The following PIP5K1A variants were observed in gnomAD, a reference collection of about 807,000 sequenced individuals.
PIP5K1A encodes phosphatidylinositol-4-phosphate 5-kinase type 1 alpha, also known as phosphatidylinositol 4-phosphate 5-kinase type-1 alpha.
PIP5K1A carries 46 observed loss-of-function variants against 72.9 expected under a neutral mutation model. The observed-to-expected ratio is 0.63, with a 90% CI of 0.50 to 0.81. The LOEUF is 0.81. Ranked by LOEUF, PIP5K1A falls within the 30% of genes least tolerant of loss-of-function variation. The pLI, the probability that PIP5K1A is intolerant of heterozygous loss-of-function variation, is 0.00. For synonymous variants in PIP5K1A, 228 were observed against 255.1 expected (o/e 0.89, Z 1.01); for missense variants, 458 against 706.1 (o/e 0.65, Z 3.98).
At chr1:151,196,858 G>GC (rs1352648835), upstream of PIP5K1A, among the ~76,000 whole-genome samples, 2 of 113,892 alleles carry the variant, frequency 1.8e-5, no homozygotes, top group Non-Finnish European at 3.6e-5. Context: ...ACTGCGCCCG[G>GC]CCTTTTTTTT....
intron 1 of PIP5K1A, 36 bp from the exon 2 acceptor site, chr1:151,224,209 G>T: frequency 6.3e-7 from 1 of 1,577,734 alleles, no homozygotes; most frequent in African/African-American, 1.3e-5. Flanking sequence ...GTGAGTGTGT[G>T]ATACACTCTT....
chr1:151,239,068 A>G (rs182233000), intron 10 of PIP5K1A, 62 bp from the exon 11 acceptor site: 2 of 1,219,440 alleles, frequency 1.6e-6, no homozygotes, highest in African/African-American at 3.0e-5. Flanking sequence ...CCTAAAATAT[A>G]AAGTTATTAA....
chr1:151,206,094 T>A (rs1334320458), intron 1 of PIP5K1A, among the ~76,000 whole-genome samples: 2 of 152,182 alleles, frequency 1.3e-5, no homozygotes, highest in African/African-American at 4.8e-5. Context: ...TTATCCTGTT[T>A]TGTTCATATC....
At chr1:151,205,461 C>T (rs1484517506) in intron 1 of PIP5K1A, among the ~76,000 whole-genome samples, 1 of 151,800 alleles carries the variant, frequency 6.6e-6, no homozygotes, top group Admixed American at 6.6e-5. Context: ...CAGGCGTGAG[C>T]TACTGCCCGG....
At position 151,211,909 on chromosome 1, in the gene PIP5K1A, C is replaced by G. The variant is rs587698860; in HGVS notation, c.86-12336C>G. On this transcript the variant is annotated intron_variant, in intron 1 of 15. Transcript: ENST00000368888. ...ACGAGGTCAGGAGATCGAGACCATC[C>G]TGGCTAACGTGGTGAAACCCCGTCT... Among the ~76,000 whole-genome samples, 397 of 151,878 alleles carry G rather than the reference C, an allele frequency of 2.6e-3. 2 individuals carry two copies. The highest frequency in any genetic ancestry group is 5.0e-3 in the Non-Finnish European group (342 of 67,942).
intron 14 of PIP5K1A, 79 bp from the exon 15 acceptor site, chr1:151,246,841 A>G: frequency 9.9e-7 from 1 of 1,007,768 alleles, no homozygotes; most frequent in Non-Finnish European, 1.5e-6. Context: ...GAGAAGCAGT[A>G]TGAGATTTAA....
Position 151,239,970 on chromosome 1 carries a change from C to T in PIP5K1A, c.1294C>T (p.His432Tyr). 1 of 1,612,418 alleles carries T rather than the reference C, an allele frequency of 6.2e-7. No individual in the cohort carries two copies. Among genetic ancestry groups the T allele is most frequent in the Non-Finnish European group, 8.5e-7 (1 of 1,178,692 alleles). ...LVHDGDTVSV[H>Y]RPGFYAERFQ... is the part of the protein sequence containing the mutation. ...TGCTCTGCAGGACACTGTCTCAGTG[C>T]ATCGCCCAGGCTTCTACGCTGAACG... is the stretch of plus-strand genomic sequence containing the variant. The change falls in exon 12 of 16, where the codon CAT (histidine) becomes TAT (tyrosine). Residue 432 changes from histidine to tyrosine, a missense_variant. By Grantham distance (83) the His-to-Tyr change is moderately conservative. Coordinates refer to ENST00000368888, the MANE Select transcript of PIP5K1A (RefSeq NM_001135638.2).
Position 151,232,428 on chromosome 1 carries a change from C to T in PIP5K1A, c.486+63C>T. On this transcript the variant is annotated intron_variant, in intron 6 of 15. Coordinates refer to ENST00000368888, the MANE Select transcript of PIP5K1A (RefSeq NM_001135638.2). Reference sequence around the variant, plus strand: ...TCAGAGGGATATTCCCAAAGGAAGGCCCCTTTTCTCCACAGTCTCGCTCTG... The same window carrying T: ...TCAGAGGGATATTCCCAAAGGAAGGTCCCTTTTCTCCACAGTCTCGCTCTG... The T allele has an allele frequency of 3.4e-6, 5 of 1,470,944 alleles. No homozygotes were observed. In the South Asian group the frequency reaches 4.5e-5, roughly 13 times the overall value. The allele number at this position is 1,470,944 out of a possible 1,614,324, so 91.1% of individuals were successfully genotyped here. A position where few individuals can be genotyped will look rare whatever the true frequency, so the allele number is the denominator to read the frequency against.
At chr1:151,232,138 T>C (rs1558281521) in intron 5 of PIP5K1A, 110 bp from the exon 6 acceptor site, 1 of 754,846 alleles carries the variant, frequency 1.3e-6, no homozygotes, top group South Asian at 1.5e-5. Flanking sequence ...TTAGGAGGAA[T>C]GTATTCCCCC....
In PIP5K1A at chr1:151,232,837, A is replaced by G. The variant is rs1690288143; in HGVS notation, c.639+134A>G. On this transcript the variant is annotated intron_variant, in intron 7 of 15. Coordinates refer to ENST00000368888, the MANE Select transcript of PIP5K1A (RefSeq NM_001135638.2). Reference sequence around the variant, plus strand: ...TAGTTCAGGCCAGGCACGGTGGCTCATGCCTGTAATCCCAGGACTTTGGGA... The same window carrying G: ...TAGTTCAGGCCAGGCACGGTGGCTCGTGCCTGTAATCCCAGGACTTTGGGA... The G allele has an allele frequency of 8.7e-6, 6 of 687,284 alleles. No individual in the cohort carries two copies. In the South Asian group the frequency reaches 9.5e-5, roughly 11 times the overall value. The allele number at this position is 687,284 out of a possible 1,614,324, so 42.6% of individuals were successfully genotyped here. A position where few individuals can be genotyped will look rare whatever the true frequency, so the allele number is the denominator to read the frequency against.
chr1:151,213,584 T>C (rs1483753942), intron 1 of PIP5K1A: 2 of 152,178 alleles, frequency 1.3e-5, no homozygotes, highest in Admixed American at 6.6e-5. Flanking sequence ...GAAAGTAATA[T>C]GTAGTTGAGA....
At chr1:151,221,310 G>C (rs2102373182) in intron 1 of PIP5K1A, among the ~76,000 whole-genome samples, 1 of 152,250 alleles carries the variant, frequency 6.6e-6, no homozygotes, top group South Asian at 2.1e-4. Flanking sequence ...CTGAGTGATG[G>C]AGAAAAAAGC....
At position 151,242,273 on chromosome 1, in the gene PIP5K1A, A is replaced by T. The variant is rs1286739529; in HGVS notation, c.1510+4A>T. 1.9e-6 allele frequency: 3 copies of T among 1,614,076 alleles called. No individual in the cohort carries two copies. The African/African-American group carries it at 4.0e-5, about 22-fold the overall frequency. ...ACAAAGGCAGAAGTGGAGCCAGGTC[A>T]GCGCTAGGGCTGGGGTCCCCATGTG... On this transcript the variant is annotated splice_donor_region_variant and intron_variant, in intron 13 of 15. Transcript: ENST00000368888.
At chr1:151,222,989 G>C (rs1688599240) in intron 1 of PIP5K1A, among the ~76,000 whole-genome samples, 1 of 152,126 alleles carries the variant, frequency 6.6e-6, no homozygotes, top group African/African-American at 2.4e-5. Flanking sequence ...GCCAAGGCAG[G>C]TGGATCACGA....
At chr1:151,232,136 A>G in intron 5 of PIP5K1A, 112 bp from the exon 6 acceptor site, 1 of 748,476 alleles carries the variant, frequency 1.3e-6, no homozygotes, top group South Asian at 1.5e-5. Flanking sequence ...TCTTAGGAGG[A>G]ATGTATTCCC....
intron 1 of PIP5K1A, chr1:151,216,119 C>A (rs901873789): frequency 2.0e-6 from 1 of 489,232 alleles, no homozygotes; most frequent in Non-Finnish European, 4.0e-6. Context: ...GAGGCCGAGG[C>A]GGGCGGATCA....
intron 1 of PIP5K1A, among the ~76,000 whole-genome samples, chr1:151,212,798 C>A (rs1429804232): frequency 1.3e-5 from 2 of 150,222 alleles, no homozygotes; most frequent in African/African-American, 4.9e-5. Context: ...TGGTCTTGAT[C>A]TCTTGACCTC....
At chr1:151,224,927 G>A (rs1388272824) in intron 3 of PIP5K1A, among the ~76,000 whole-genome samples, 1 of 152,102 alleles carries the variant, frequency 6.6e-6, no homozygotes, top group East Asian at 1.9e-4. Context: ...TTTGACCTGG[G>A]ACTTCAAACT....
chr1:151,220,736 G>A (rs1021213275), intron 1 of PIP5K1A, among the ~76,000 whole-genome samples: 5 of 152,200 alleles, frequency 3.3e-5, no homozygotes, highest in African/African-American at 9.7e-5. Flanking sequence ...CAAAGTGCTG[G>A]GATTACAGGC....
Sources: gnomAD v4.1 joint callset for allele counts (sites outside exome capture counted in the v4.1 genomes callset) on GRCh38, gnomAD v4.1.1 for gene constraint, MANE v1.5 for transcripts, NCBI Gene and HGNC (gene_info 2026-07-23, HGNC 2026-07-21) for gene names.